The following IMMP1L variants were observed in gnomAD, a reference collection of about 807,000 sequenced individuals.
IMMP1L encodes the protein mitochondrial inner membrane protease subunit 1.
A neutral mutation model predicts 21.8 loss-of-function variants in IMMP1L; 24 were observed. The observed-to-expected ratio is 1.10, with a 90% CI of 0.80 to 1.55. The LOEUF (loss-of-function observed/expected upper bound fraction) is 1.55. Among genes scored for constraint, IMMP1L ranks in the 40% most tolerant of loss-of-function variants. The probability of loss-of-function intolerance (pLI) is 0.00; values close to 1 mark genes in which losing one functional copy is unlikely to be tolerated. For missense variants in IMMP1L, 195 were observed against 200.7 expected (o/e 0.97, Z 0.17); for synonymous variants, 46 against 62.8 (o/e 0.73, Z 1.26).
intron 4 of IMMP1L, among the ~76,000 whole-genome samples, chr11:31,434,882 T>TG (rs751956705): frequency 2.0e-5 from 3 of 152,186 alleles, no homozygotes; most frequent in Non-Finnish European, 4.4e-5. Context: ...GCCACTTCCT[T>TG]GCTATCTAAT....
At chr11:31,487,643 T>C (rs1040288274) in intron 1 of IMMP1L, among the ~76,000 whole-genome samples, 1 of 152,132 alleles carries the variant, frequency 6.6e-6, no homozygotes, top group Non-Finnish European at 1.5e-5. Flanking sequence ...TGGGGCAGTT[T>C]TAGATATTTT....
At position 31,509,595 on chromosome 11, in the gene IMMP1L, G is replaced by A. The variant is rs898745631; in HGVS notation, c.-106C>T. 2.4e-5 allele frequency: 15 copies of A among 632,410 alleles called. No homozygotes were observed. Among genetic ancestry groups the A allele is most frequent in the South Asian group, 5.9e-5 (3 of 51,090 alleles). The allele number at this position is 632,410 out of a possible 1,614,324, so 39.2% of individuals were successfully genotyped here. A position where few individuals can be genotyped will look rare whatever the true frequency, so the allele number is the denominator to read the frequency against. ...TTCTCACCTGGGCCCCGCCGAAGTC[G>A]ACCGTCCTTTCGTAGGGCGCACTTT... On this transcript the variant is annotated 5_prime_UTR_variant, in exon 1 of 6. Transcript: ENST00000532287.
At chr11:31,461,403 A>T (rs1335956338) in intron 2 of IMMP1L, among the ~76,000 whole-genome samples, 2 of 152,118 alleles carry the variant, frequency 1.3e-5, no homozygotes, top group East Asian at 3.9e-4. Context: ...CCTAAATAGA[A>T]CCCATCTTTA....
chr11:31,454,463 A>C (rs945035738), intron 4 of IMMP1L, among the ~76,000 whole-genome samples: 3 of 151,080 alleles, frequency 2.0e-5, no homozygotes, highest in African/African-American at 7.3e-5. Context: ...AAAAAAAAAA[A>C]AAAAAAAAAA....
chr11:31,463,320 C>T lies in IMMP1L; in HGVS notation c.-29-15G>A. 2 of 1,561,594 alleles carry T rather than the reference C, an allele frequency of 1.3e-6. No individual in the cohort carries two copies. The highest frequency in any genetic ancestry group is 1.2e-5 in the South Asian group (1 of 81,366). On this transcript the variant is annotated splice_polypyrimidine_tract_variant and intron_variant, in intron 1 of 5. Coordinates refer to ENST00000532287, the MANE Select transcript of IMMP1L (RefSeq NM_001304274.2). ...CCACCATTGGCCTGATGGTAAATTT[C>T]AAAAAGTTTCATGATCAATACTATT...
At chr11:31,501,790 CAAAT>C (rs55861509) in intron 1 of IMMP1L, among the ~76,000 whole-genome samples, 61,970 of 139,396 alleles carry the variant, frequency 0.44, 14,272 homozygotes, top group Middle Eastern at 0.52. Flanking sequence ...CCCATCTCTA[CAAAT>C]AAATAAATAA....
intron 1 of IMMP1L, among the ~76,000 whole-genome samples, chr11:31,506,298 G>A (rs1232602959): frequency 2.7e-5 from 4 of 148,672 alleles, no homozygotes; most frequent in Admixed American, 6.8e-5. Context: ...GCGCAATCTC[G>A]GCTCACTGCA....
intron 4 of IMMP1L, chr11:31,453,041 C>T (rs185145613): frequency 4.9e-4 from 633 of 1,286,638 alleles, no homozygotes; most frequent in African/African-American, 1.9e-3. Context: ...CGTGAGCCAC[C>T]GCGGCCGGCC....
At chr11:31,432,634 T>A in intron 5 of IMMP1L, 66 bp from the exon 6 acceptor site, 2 of 1,042,358 alleles carry the variant, frequency 1.9e-6, no homozygotes, top group South Asian at 2.6e-5. Flanking sequence ...TCATATTCCC[T>A]TTTGCTATCT....
intron 1 of IMMP1L, chr11:31,488,051 A>C (rs1231276254): frequency 6.6e-6 from 1 of 152,144 alleles, no homozygotes; most frequent in African/African-American, 2.4e-5. Flanking sequence ...TCCAGCAGGG[A>C]GCAGCATTAC....
chr11:31,484,160 T>C (rs551898891), intron 1 of IMMP1L, among the ~76,000 whole-genome samples: 1 of 152,078 alleles, frequency 6.6e-6, no homozygotes, highest in East Asian at 1.9e-4. Context: ...CAAATAAAAC[T>C]ATTTTCAACT....
intron 1 of IMMP1L, among the ~76,000 whole-genome samples, chr11:31,500,658 G>A (rs77961597): frequency 0.021 from 3,141 of 150,600 alleles, 101 homozygotes; most frequent in African/African-American, 0.072. Flanking sequence ...GAAAGGACTC[G>A]GAACACAGGG....
chr11:31,482,618 G>C (rs1592015788), intron 1 of IMMP1L, among the ~76,000 whole-genome samples: 1 of 151,842 alleles, frequency 6.6e-6, no homozygotes, highest in East Asian at 1.9e-4. Context: ...TCATTAATTG[G>C]GGAAATATAA....
intron 4 of IMMP1L, among the ~76,000 whole-genome samples, chr11:31,438,644 G>C (rs942213057): frequency 6.6e-6 from 1 of 152,054 alleles, no homozygotes; most frequent in East Asian, 1.9e-4. Context: ...GCTTTGATTA[G>C]GTATGTGATC....
intron 1 of IMMP1L, among the ~76,000 whole-genome samples, chr11:31,466,740 T>C (rs1018260517): frequency 1.3e-5 from 2 of 152,028 alleles, no homozygotes; most frequent in East Asian, 1.9e-4. Context: ...TGTAGAATTA[T>C]AGGTATCAGA....
intron 1 of IMMP1L, among the ~76,000 whole-genome samples, chr11:31,468,061 T>C (rs995419615): frequency 7.9e-5 from 12 of 152,122 alleles, no homozygotes; most frequent in Non-Finnish European, 1.5e-5. Flanking sequence ...GGAAAAATTA[T>C]ACTAAAAGTA....
chr11:31,496,464 C>T (rs1319218052), intron 1 of IMMP1L, among the ~76,000 whole-genome samples: 1 of 152,060 alleles, frequency 6.6e-6, no homozygotes, highest in Admixed American at 6.5e-5. Context: ...CCAGCAATTC[C>T]ATTGTATGGT....
chr11:31,433,625 A>G (rs1031802631), intron 4 of IMMP1L, 55 bp from the exon 5 acceptor site: 15 of 1,080,022 alleles, frequency 1.4e-5, no homozygotes, highest in Non-Finnish European at 1.8e-5. Flanking sequence ...TTTGGGTACT[A>G]TAATTAAAAA....
intron 4 of IMMP1L, among the ~76,000 whole-genome samples, chr11:31,441,856 T>C (rs767048780): frequency 2.6e-5 from 4 of 152,196 alleles, no homozygotes; most frequent in African/African-American, 7.2e-5. Flanking sequence ...AACACATTTA[T>C]AGTAAATGTT....
Sources: allele counts gnomAD v4.1 joint callset (sites outside exome capture counted in the v4.1 genomes callset), GRCh38; gene constraint gnomAD v4.1.1; transcripts MANE v1.5; gene names NCBI Gene and HGNC (gene_info 2026-07-23, HGNC 2026-07-21).